Variants in BAZ1B observed in about 807,000 individuals in gnomAD.
BAZ1B encodes tyrosine-protein kinase BAZ1B.
BAZ1B carries 22 observed loss-of-function variants against 153.8 expected under a neutral mutation model. That is an observed-to-expected ratio of 0.14 (90% CI 0.10 to 0.20). The LOEUF (loss-of-function observed/expected upper bound fraction) is 0.20. Among genes scored for constraint, BAZ1B ranks in the 10% least tolerant of loss-of-function variants. BAZ1B has a pLI of 1.00. For synonymous variants in BAZ1B, 676 were observed against 633.4 expected (o/e 1.07, Z -1.01); for missense variants, 1,325 against 1,799.3 (o/e 0.74, Z 4.77).
chr7:73,447,707 A>G (rs761727493), intron 15 of BAZ1B, among the ~76,000 whole-genome samples: 167 of 152,180 alleles, frequency 1.1e-3, no homozygotes, highest in Admixed American at 1.8e-3. Context: ...TTGTCTCACA[A>G]AAAGAGCCAG....
At chr7:73,512,550 C>T (rs539533783) in intron 1 of BAZ1B, among the ~76,000 whole-genome samples, 15 of 152,092 alleles carry the variant, frequency 9.9e-5, no homozygotes, top group South Asian at 2.1e-4. Flanking sequence ...GTGAGGGAGA[C>T]GAGGGAAAGA....
intron 13 of BAZ1B, among the ~76,000 whole-genome samples, chr7:73,455,027 GGT>G (rs140946302): frequency 6.0e-5 from 9 of 149,470 alleles, no homozygotes; most frequent in Non-Finnish European, 8.9e-5. Flanking sequence ...CCACACTCGG[GGT>G]GTGTGTGTGT....
chr7:73,496,601 C>T (rs188464269), intron 4 of BAZ1B, among the ~76,000 whole-genome samples: 23 of 152,250 alleles, frequency 1.5e-4, no homozygotes, highest in Admixed American at 1.4e-3. Flanking sequence ...CAGTCAAATT[C>T]TTTATTAATG....
intron 3 of BAZ1B, among the ~76,000 whole-genome samples, chr7:73,501,887 A>ATTTTTTT (rs200718272): frequency 7.5e-6 from 1 of 133,120 alleles, no homozygotes; most frequent in Non-Finnish European, 1.6e-5. Flanking sequence ...CTTATCAAGA[A>ATTTTTTT]TTTTTTTTTT....
chr7:73,459,034 G>A (rs967067677), intron 13 of BAZ1B, among the ~76,000 whole-genome samples: 2 of 152,036 alleles, frequency 1.3e-5, no homozygotes, highest in Non-Finnish European at 2.9e-5. Flanking sequence ...AGATCACAAG[G>A]TCAAGAGATC....
intron 10 of BAZ1B, 94 bp from the exon 11 acceptor site, chr7:73,465,631 T>G: frequency 2.8e-6 from 2 of 721,908 alleles, no homozygotes; most frequent in Non-Finnish European, 4.5e-6. Flanking sequence ...TGGTGGGACT[T>G]GGGAGAACAG....
chr7:73,513,293 T>C (rs1790660128), intron 1 of BAZ1B, among the ~76,000 whole-genome samples: 1 of 152,210 alleles, frequency 6.6e-6, no homozygotes, highest in South Asian at 2.1e-4. Context: ...TCCAAGGTTA[T>C]GATCAGCAAA....
At chr7:73,475,543 G>C (rs1188156350) in intron 7 of BAZ1B, among the ~76,000 whole-genome samples, 1 of 152,222 alleles carries the variant, frequency 6.6e-6, no homozygotes, top group Non-Finnish European at 1.5e-5. Context: ...GCAGAGAACA[G>C]ATTGGTGGTT....
chr7:73,479,598 C>A (rs568610033), intron 6 of BAZ1B, among the ~76,000 whole-genome samples: 37 of 151,964 alleles, frequency 2.4e-4, no homozygotes, highest in African/African-American at 8.9e-4. Flanking sequence ...CAAATCCACT[C>A]CCTCCAGTCC....
At chr7:73,516,937 T>C (rs1050388034) in intron 1 of BAZ1B, among the ~76,000 whole-genome samples, 2 of 151,742 alleles carry the variant, frequency 1.3e-5, no homozygotes, top group Non-Finnish European at 2.9e-5. Flanking sequence ...TCCCAGCACT[T>C]TGGGAGGCTG....
At chr7:73,502,505 CAGG>C (rs1412246866) in intron 3 of BAZ1B, among the ~76,000 whole-genome samples, 5 of 151,884 alleles carry the variant, frequency 3.3e-5, no homozygotes, top group Non-Finnish European at 7.4e-5. Flanking sequence ...GAGGCCAAAG[CAGG>C]AGGACTGCTT....
chr7:73,521,383 G>A (rs1349645667), intron 1 of BAZ1B, among the ~76,000 whole-genome samples: 1 of 152,116 alleles, frequency 6.6e-6, no homozygotes, highest in African/African-American at 2.4e-5. Context: ...TCACGAGGCC[G>A]CGCGAGTACA....
intron 1 of BAZ1B, among the ~76,000 whole-genome samples, chr7:73,520,922 T>G (rs1452727806): frequency 5.3e-5 from 8 of 152,050 alleles, no homozygotes; most frequent in African/African-American, 1.9e-4. Flanking sequence ...TTTTTACAGA[T>G]AAGCCTCAAA....
chr7:73,489,329 T>C lies in BAZ1B; in HGVS notation c.756A>G (p.Ile252Met). 6.2e-7 allele frequency: 1 copy of C among 1,614,212 alleles called. No homozygotes were observed. The highest frequency in any genetic ancestry group is 8.5e-7 in the Non-Finnish European group (1 of 1,180,042). ...CATTATGCCGTATAAAGTATCGAAC[T>C]ATCTCCTTATTTGGTGGGCGCTCTG... The part of the protein sequence containing the change: ...IRTERPPNKE[I>M]VRYFIRHNAL... The change falls in exon 6 of 20, where the codon ATA (isoleucine) becomes ATG (methionine). Residue 252 changes from isoleucine (I) to methionine (M), a missense_variant. Transcript: ENST00000339594.
intron 12 of BAZ1B, 90 bp downstream of exon 12, chr7:73,462,832 G>A (rs1170654620): frequency 7.3e-7 from 1 of 1,371,962 alleles, no homozygotes; most frequent in Admixed American, 1.8e-5. Context: ...TTCCAGGAGG[G>A]TCATGTTGGG....
At chr7:73,465,352 T>C (rs1788541358) in intron 11 of BAZ1B, 87 bp downstream of exon 11, 1 of 886,448 alleles carries the variant, frequency 1.1e-6, no homozygotes, top group African/African-American at 1.7e-5. Context: ...TTTAGTAACT[T>C]AAATGGATAA....
At position 73,478,449 on chromosome 7, in the gene BAZ1B, A is replaced by G; in HGVS notation, c.1012T>C (p.Cys338Arg). Reference sequence around the variant, plus strand: ...AATGACTTCTTCAAGTGTACGTGACACCATAACTTAGGATTTAGTGGTGAA... The same window carrying G: ...AATGACTTCTTCAAGTGTACGTGACGCCATAACTTAGGATTTAGTGGTGAA... ...LSSPLNPKLW[C>R]HVHLKKSLSG... Residue 338 changes from cysteine (C) to arginine (R), a missense_variant, in exon 7 of 20, where the codon TGT becomes CGT. Cys to Arg is a radical substitution (Grantham distance 180). Coordinates refer to ENST00000339594, the MANE Select transcript of BAZ1B (RefSeq NM_032408.4). 6.2e-7 allele frequency: 1 copy of G among 1,612,488 alleles called. No homozygotes were observed.
intron 1 of BAZ1B, among the ~76,000 whole-genome samples, chr7:73,512,734 T>C (rs1051308308): frequency 2.6e-5 from 4 of 152,244 alleles, no homozygotes; most frequent in African/African-American, 7.2e-5. Flanking sequence ...TAGTGAACAA[T>C]ACCTGTATAT....
rs782404725 is a variant in BAZ1B at position 73,449,571 on chromosome 7, G to A, written c.3699C>T (p.Pro1233=). The A allele has an allele frequency of 1.7e-5, 27 of 1,613,242 alleles. No homozygotes were observed. Among genetic ancestry groups the A allele is most frequent in the South Asian group, 1.4e-4 (13 of 90,920 alleles). Residue 1233 remains proline (P), a synonymous_variant, in exon 15 of 20, where the codon CCC becomes CCT. Transcript: ENST00000339594. Reference sequence around the variant, plus strand: ...CACGGGAGTTGCGCCTGGCAGTAGCGGGCTGGCAAGCTGGGCACTGCCACT... The same window carrying A: ...CACGGGAGTTGCGCCTGGCAGTAGCAGGCTGGCAAGCTGGGCACTGCCACT... ...DGEWQCPACQ[P]ATARRNSRGR...
Sources: gnomAD v4.1 joint callset for allele counts (sites outside exome capture counted in the v4.1 genomes callset) on GRCh38, gnomAD v4.1.1 for gene constraint, MANE v1.5 for transcripts, NCBI Gene and HGNC (gene_info 2026-07-23, HGNC 2026-07-21) for gene names.